The following CSNK1G3 variants were observed in gnomAD, a reference collection of about 807,000 sequenced individuals.
CSNK1G3 encodes casein kinase 1 gamma 3, also known as casein kinase I isoform gamma-3.
CSNK1G3 carries 23 observed loss-of-function variants against 64.3 expected under a neutral mutation model. That is an observed-to-expected ratio of 0.36 (90% CI 0.26 to 0.51). The LOEUF is 0.51. Ranked by LOEUF, CSNK1G3 falls within the 20% of genes least tolerant of loss-of-function variation. The pLI is 0.96. For missense variants in CSNK1G3, 357 were observed against 510.5 expected (o/e 0.70, Z 2.90); for synonymous variants, 158 against 162.2 (o/e 0.97, Z 0.20).
chr5:123,515,799 C>T (rs1413156883), intron 1 of CSNK1G3, among the ~76,000 whole-genome samples: 1 of 152,078 alleles, frequency 6.6e-6, no homozygotes, highest in African/African-American at 2.4e-5. Context: ...TTTGTGTTCC[C>T]TTCAACCTCC....
intron 3 of CSNK1G3, among the ~76,000 whole-genome samples, chr5:123,555,965 A>C (rs1382274509): frequency 1.3e-5 from 2 of 152,140 alleles, no homozygotes; most frequent in African/African-American, 4.8e-5. Flanking sequence ...AGTACTTTAT[A>C]TATAAGAAAG....
At chr5:123,555,662 G>T (rs987921633) in intron 3 of CSNK1G3, among the ~76,000 whole-genome samples, 3 of 151,946 alleles carry the variant, frequency 2.0e-5, no homozygotes, top group African/African-American at 7.3e-5. Flanking sequence ...CTTATATCTT[G>T]TTGTACATGA....
chr5:123,585,724 T>A (rs1288328862), intron 6 of CSNK1G3, among the ~76,000 whole-genome samples: 2 of 152,188 alleles, frequency 1.3e-5, no homozygotes, highest in African/African-American at 4.8e-5. Flanking sequence ...TACTTTGAAG[T>A]TTGCTTTTCT....
chr5:123,582,221 TAA>T (rs1323292924), intron 6 of CSNK1G3, among the ~76,000 whole-genome samples: 1 of 152,106 alleles, frequency 6.6e-6, no homozygotes, highest in Non-Finnish European at 1.5e-5. Context: ...TGTTGAGATA[TAA>T]GAGTAGAATT....
intron 10 of CSNK1G3, among the ~76,000 whole-genome samples, chr5:123,600,632 A>G (rs537695534): frequency 2.0e-5 from 3 of 152,218 alleles, no homozygotes; most frequent in African/African-American, 7.2e-5. Context: ...TTCAAAAAAA[A>G]AAAAAAGAAA....
At chr5:123,575,591 T>A (rs1042708291) in intron 5 of CSNK1G3, 138 bp from the exon 6 acceptor site, 5 of 611,756 alleles carry the variant, frequency 8.2e-6, no homozygotes, top group South Asian at 2.1e-5. Context: ...TAGGCTGACA[T>A]CATTTTACTT....
At chr5:123,527,539 G>C (rs1008253150) in intron 1 of CSNK1G3, among the ~76,000 whole-genome samples, 4 of 152,142 alleles carry the variant, frequency 2.6e-5, no homozygotes, top group Non-Finnish European at 4.4e-5. Flanking sequence ...TACTAAGTCT[G>C]TTCTATGAGG....
chr5:123,606,487 A>G (rs1311513769), intron 12 of CSNK1G3, among the ~76,000 whole-genome samples: 1 of 152,164 alleles, frequency 6.6e-6, no homozygotes, highest in African/African-American at 2.4e-5. Context: ...GTTACCTTCA[A>G]GAAAGCTTGT....
intron 3 of CSNK1G3, among the ~76,000 whole-genome samples, chr5:123,557,060 CATT>C (rs1396575059): frequency 2.0e-5 from 3 of 152,100 alleles, no homozygotes; most frequent in East Asian, 1.9e-4. Flanking sequence ...AAAATTAAGA[CATT>C]GTTGCTACTA....
chr5:123,578,670 C>A (rs1266100771), intron 6 of CSNK1G3, among the ~76,000 whole-genome samples: 1 of 151,804 alleles, frequency 6.6e-6, no homozygotes, highest in East Asian at 1.9e-4. Flanking sequence ...TCTAACAAAT[C>A]TTTACCTTCA....
At chr5:123,568,744 T>C (rs1460907961) in intron 4 of CSNK1G3, among the ~76,000 whole-genome samples, 1 of 152,220 alleles carries the variant, frequency 6.6e-6, no homozygotes, top group Non-Finnish European at 1.5e-5. Flanking sequence ...GCACTCTATG[T>C]TTGTTAGCAG....
rs986907650 is a variant in CSNK1G3, at chr5:123,550,231, A to G, written c.179-2876A>G. ...ATTTTCATTTCACACGACACAGACCAGAGGGAGAAACCCGAAGGCTGTCAG... is the reference window on the plus strand; with the variant it reads ...ATTTTCATTTCACACGACACAGACCGGAGGGAGAAACCCGAAGGCTGTCAG... On this transcript the variant is annotated intron_variant, in intron 2 of 12. Transcript: ENST00000345990. Among the ~76,000 whole-genome samples the G allele has an allele frequency of 3.9e-5, 6 of 152,252 alleles. No individual in the cohort carries two copies. The South Asian group carries it at 1.0e-3, about 26-fold the overall frequency.
At chr5:123,571,339 A>G (rs778059806) in intron 4 of CSNK1G3, among the ~76,000 whole-genome samples, 1 of 151,984 alleles carries the variant, frequency 6.6e-6, no homozygotes, top group Non-Finnish European at 1.5e-5. Flanking sequence ...GCTGGAGTGC[A>G]GTGGCGCAGT....
intron 10 of CSNK1G3, among the ~76,000 whole-genome samples, chr5:123,601,600 C>G (rs1048782718): frequency 6.6e-6 from 1 of 152,188 alleles, no homozygotes; most frequent in Non-Finnish European, 1.5e-5. Context: ...CCTCTGTGAA[C>G]TGAAGTAAAT....
At chr5:123,565,769 C>T (rs757006589) in intron 4 of CSNK1G3, among the ~76,000 whole-genome samples, 10 of 152,146 alleles carry the variant, frequency 6.6e-5, no homozygotes, top group South Asian at 6.2e-4. Context: ...CCAGTTATCA[C>T]GTGGAGAGAG....
At chr5:123,571,216 A>G (rs1351559293) in intron 4 of CSNK1G3, among the ~76,000 whole-genome samples, 1 of 152,166 alleles carries the variant, frequency 6.6e-6, no homozygotes, top group African/African-American at 2.4e-5. Context: ...GGAGGGCACC[A>G]TGTATGCAGT....
At chr5:123,539,447 A>AAG (rs1041912612) in intron 1 of CSNK1G3, among the ~76,000 whole-genome samples, 2 of 149,732 alleles carry the variant, frequency 1.3e-5, no homozygotes, top group African/African-American at 4.9e-5. Flanking sequence ...TAAAAAAAAA[A>AAG]AAAAAAAAGA....
At chr5:123,597,077 T>C (rs541588842) in intron 10 of CSNK1G3, among the ~76,000 whole-genome samples, 111 of 152,128 alleles carry the variant, frequency 7.3e-4, no homozygotes, top group Non-Finnish European at 1.4e-3. Flanking sequence ...ATACTATATT[T>C]GATTCTGAAT....
At chr5:123,542,145 CATG>C (rs1177889468) in intron 1 of CSNK1G3, among the ~76,000 whole-genome samples, 2 of 151,940 alleles carry the variant, frequency 1.3e-5, no homozygotes, top group Non-Finnish European at 2.9e-5. Context: ...TTGTGTAGAA[CATG>C]ATATTTTGAA....
Sources: gnomAD v4.1 joint callset for allele counts (sites outside exome capture counted in the v4.1 genomes callset) on GRCh38, gnomAD v4.1.1 for gene constraint, MANE v1.5 for transcripts, NCBI Gene and HGNC (gene_info 2026-07-23, HGNC 2026-07-21) for gene names.